Variants in GFRA1 observed in about 807,000 individuals in gnomAD.
The protein encoded by GFRA1 is GDNF family receptor alpha 1.
GFRA1 carries 16 observed loss-of-function variants against 51.6 expected under a neutral mutation model. That is an observed-to-expected ratio of 0.31 (90% CI 0.21 to 0.47). The LOEUF is 0.47. Among genes scored for constraint, GFRA1 ranks in the 20% least tolerant of loss-of-function variants. The pLI is 1.00. For synonymous variants in GFRA1, 270 were observed against 241.3 expected, an observed-to-expected ratio of 1.12 and a Z score of -1.10; for missense variants, 530 against 594.3, an observed-to-expected ratio of 0.89 and a Z score of 1.13.
intron 4 of GFRA1, among the ~76,000 whole-genome samples, chr10:116,254,497 CCT>C (rs1968664785): frequency 1.4e-5 from 2 of 144,540 alleles, no homozygotes; most frequent in South Asian, 4.5e-4. Context: ...AGAGTGAGAC[CCT>C]GACTCTATTA....
chr10:116,194,668 T>C (rs774787956), intron 5 of GFRA1, among the ~76,000 whole-genome samples: 35 of 152,284 alleles, frequency 2.3e-4, no homozygotes, highest in Middle Eastern at 6.8e-3. Context: ...GATTCAACCC[T>C]TGGCCTACTG....
chr10:116,162,286 G>A (rs1272795603), intron 5 of GFRA1, among the ~76,000 whole-genome samples: 1 of 152,188 alleles, frequency 6.6e-6, no homozygotes, highest in Non-Finnish European at 1.5e-5. Context: ...TAGAGTCTAG[G>A]GAGAAAGAGA....
chr10:116,207,608 T>C (rs1417129966), intron 5 of GFRA1, among the ~76,000 whole-genome samples: 2 of 141,170 alleles, frequency 1.4e-5, no homozygotes, highest in Non-Finnish European at 3.1e-5. Context: ...CTTAAAAATA[T>C]ATGATTGATA....
At chr10:116,175,312 C>T (rs1419055938) in intron 5 of GFRA1, among the ~76,000 whole-genome samples, 2 of 152,140 alleles carry the variant, frequency 1.3e-5, no homozygotes, top group Non-Finnish European at 2.9e-5. Flanking sequence ...AAGAGGATAA[C>T]TTGGAGGAAA....
chr10:116,187,280 T>A (rs1962816402), intron 5 of GFRA1, among the ~76,000 whole-genome samples: 1 of 152,194 alleles, frequency 6.6e-6, no homozygotes, highest in Non-Finnish European at 1.5e-5. Context: ...AATGTCCATT[T>A]GAGGTCATGA....
chr10:116,188,568 T>C (rs1408338742), intron 5 of GFRA1, among the ~76,000 whole-genome samples: 1 of 152,070 alleles, frequency 6.6e-6, no homozygotes, highest in Non-Finnish European at 1.5e-5. Flanking sequence ...AATGTGAATA[T>C]ACTTAATGCC....
chr10:116,178,667 C>T (rs1961897211), intron 5 of GFRA1, among the ~76,000 whole-genome samples: 1 of 152,180 alleles, frequency 6.6e-6, no homozygotes, highest in Non-Finnish European at 1.5e-5. Flanking sequence ...TGGGGTCACC[C>T]ACGGTGTGTG....
intron 4 of GFRA1, among the ~76,000 whole-genome samples, chr10:116,260,882 AAAAAACTCTG>A (rs1239283729): frequency 6.6e-6 from 1 of 151,846 alleles, no homozygotes; most frequent in Non-Finnish European, 1.5e-5. Flanking sequence ...CTCCTTTAAC[AAAAAACTCTG>A]AATGAAAGAT....
At chr10:116,191,109 G>A (rs993071606) in intron 5 of GFRA1, among the ~76,000 whole-genome samples, 2 of 152,152 alleles carry the variant, frequency 1.3e-5, no homozygotes, top group African/African-American at 4.8e-5. Context: ...AGGTTAAAAA[G>A]CAATATTACA....
chr10:116,074,299 T>G (rs2133807686), intron 9 of GFRA1, among the ~76,000 whole-genome samples: 1 of 152,326 alleles, frequency 6.6e-6, no homozygotes. Context: ...CTAGACAGGC[T>G]GTCCATTATC....
chr10:116,226,739 T>G, intron 4 of GFRA1: 1 of 396,178 alleles, frequency 2.5e-6, no homozygotes, highest in Non-Finnish European at 5.1e-6. Flanking sequence ...CAACTCACCA[T>G]AATGTATTAT....
intron 2 of GFRA1, among the ~76,000 whole-genome samples, chr10:116,271,789 C>T (rs548855193): frequency 6.6e-6 from 1 of 152,138 alleles, no homozygotes; most frequent in Non-Finnish European, 1.5e-5. Flanking sequence ...AAACCAAGCC[C>T]GAAAAGCTTC....
chr10:116,147,041 TGTGA>T (rs777416880), intron 5 of GFRA1, among the ~76,000 whole-genome samples: 5,064 of 117,712 alleles, frequency 0.043, 280 homozygotes, highest in African/African-American at 0.14. Flanking sequence ...TGTGTGTGTG[TGTGA>T]GAGAGAGAGA....
Position 116,095,441 on chromosome 10 carries a change from T to C in GFRA1, c.880+1214A>G, listed in dbSNP as rs571279426. On this transcript the variant is annotated intron_variant, in intron 7 of 10. Transcript: ENST00000355422. ...TACTTTTGTTATTTCTGCAATTCCA[T>C]AGTTGATACATCATCCCTAGCAGAG... Among the ~76,000 whole-genome samples the C allele has an allele frequency of 5.8e-4, 88 of 152,320 alleles. 1 individual carries two copies. The South Asian group carries it at 9.3e-3, about 16-fold the overall frequency.
At chr10:116,241,353 G>T (rs60484936) in intron 4 of GFRA1, among the ~76,000 whole-genome samples, 3 of 152,098 alleles carry the variant, frequency 2.0e-5, no homozygotes, top group Middle Eastern at 3.4e-3. Context: ...AGGCTTTGGA[G>T]AACCGAATCT....
intron 5 of GFRA1, among the ~76,000 whole-genome samples, chr10:116,207,828 G>A (rs545677209): frequency 1.4e-4 from 22 of 152,218 alleles, no homozygotes; most frequent in African/African-American, 4.1e-4. Flanking sequence ...ACTCAGCAGA[G>A]GTGAGCTGGC....
chr10:116,258,405 T>A (rs1185198117), intron 4 of GFRA1, among the ~76,000 whole-genome samples: 1 of 12,214 alleles, frequency 8.2e-5, no homozygotes, highest in African/African-American at 1.3e-4. Flanking sequence ...AAATAAAATA[T>A]ATTATATTAA....
At chr10:116,186,566 CTCTTAAA>C (rs1319335002) in intron 5 of GFRA1, among the ~76,000 whole-genome samples, 1,883 of 76,060 alleles carry the variant, frequency 0.025, 46 homozygotes, top group African/African-American at 0.071. Context: ...AGAGGAAAGG[CTCTTAAA>C]AAAAAAAAAA....
intron 4 of GFRA1, among the ~76,000 whole-genome samples, chr10:116,258,377 C>A (rs1485841810): frequency 1.9e-3 from 16 of 8,560 alleles, no homozygotes; most frequent in African/African-American, 2.1e-3. Context: ...AAAATAATAT[C>A]TAATATATTA....
Sources: allele counts gnomAD v4.1 joint callset (sites outside exome capture counted in the v4.1 genomes callset), GRCh38; gene constraint gnomAD v4.1.1; transcripts MANE v1.5; gene names NCBI Gene and HGNC (gene_info 2026-07-23, HGNC 2026-07-21).